The following ITGA9 variants were observed in gnomAD, a reference collection of about 807,000 sequenced individuals.
ITGA9 encodes integrin alpha-9.
A neutral mutation model predicts 127.8 loss-of-function variants in ITGA9; 56 were observed. The ratio of observed to expected loss-of-function variants is 0.44; its 90% CI spans 0.35 to 0.55. The LOEUF is 0.55. Among genes scored for constraint, ITGA9 ranks in the 20% least tolerant of loss-of-function variants. The pLI is 0.00. For synonymous variants in ITGA9, 508 were observed against 514.5 expected, an observed-to-expected ratio of 0.99 and a Z score of 0.17; for missense variants, 1,196 against 1,347.1, an observed-to-expected ratio of 0.89 and a Z score of 1.76.
chr3:37,679,927 A>ACAACTT, intron 17 of ITGA9, among the ~76,000 whole-genome samples: 1 of 151,512 alleles, frequency 6.6e-6, no homozygotes, highest in African/African-American at 2.4e-5. Flanking sequence ...ATGCATAACC[A>ACAACTT]CAACTTCGAT....
intron 18 of ITGA9, among the ~76,000 whole-genome samples, chr3:37,693,614 G>A (rs1276734113): frequency 1.3e-5 from 2 of 152,164 alleles, no homozygotes; most frequent in Non-Finnish European, 2.9e-5. Context: ...GAGCAGGAAG[G>A]ACTTAAACAT....
chr3:37,654,189 TCCAC>T (rs966360428), intron 17 of ITGA9, among the ~76,000 whole-genome samples: 2 of 94,062 alleles, frequency 2.1e-5, no homozygotes, highest in African/African-American at 9.0e-5. Flanking sequence ...CCCTCCTGCC[TCCAC>T]ACACACACAC....
chr3:37,745,190 C>T (rs1164655820), intron 22 of ITGA9, among the ~76,000 whole-genome samples: 2 of 152,178 alleles, frequency 1.3e-5, no homozygotes, highest in Non-Finnish European at 2.9e-5. Flanking sequence ...GGCAGTAAAA[C>T]ATTTGTGGGC....
chr3:37,489,460 G>C (rs1698644441), intron 4 of ITGA9, among the ~76,000 whole-genome samples: 1 of 152,206 alleles, frequency 6.6e-6, no homozygotes, highest in South Asian at 2.1e-4. Flanking sequence ...ATTCCCTAAA[G>C]ATCTTTTCCC....
At chr3:37,667,855 T>C (rs1700600315) in intron 17 of ITGA9, among the ~76,000 whole-genome samples, 1 of 152,178 alleles carries the variant, frequency 6.6e-6, no homozygotes, top group South Asian at 2.1e-4. Flanking sequence ...AGCCTGATAT[T>C]CTAGCAATTT....
chr3:37,745,036 T>C (rs1229600552), intron 22 of ITGA9, among the ~76,000 whole-genome samples: 1 of 152,216 alleles, frequency 6.6e-6, no homozygotes, highest in Admixed American at 6.5e-5. Context: ...TCTCTGCCTC[T>C]TGCGTCCTTC....
chr3:37,707,261 T>C (rs1038645521), intron 18 of ITGA9, among the ~76,000 whole-genome samples: 1 of 152,214 alleles, frequency 6.6e-6, no homozygotes, highest in Admixed American at 6.5e-5. Flanking sequence ...TTTGCAAATA[T>C]TTACTTAAGG....
chr3:37,737,179 G>A (rs1272411525), intron 20 of ITGA9, among the ~76,000 whole-genome samples, 196 bp downstream of exon 20: 1 of 152,152 alleles, frequency 6.6e-6, no homozygotes, highest in Admixed American at 6.5e-5. Context: ...TTGCATAGCC[G>A]CCACTGCAGA....
At chr3:37,595,290 A>G (rs547387829) in intron 15 of ITGA9, among the ~76,000 whole-genome samples, 39 of 152,094 alleles carry the variant, frequency 2.6e-4, no homozygotes, top group African/African-American at 9.2e-4. Flanking sequence ...GTCAGACAGT[A>G]CCCTTGGCAA....
At chr3:37,765,959 G>A (rs1696775670) in intron 23 of ITGA9, among the ~76,000 whole-genome samples, 1 of 152,208 alleles carries the variant, frequency 6.6e-6, no homozygotes, top group Admixed American at 6.5e-5. Context: ...GTAGGTGCCT[G>A]GTGTTTTCTG....
chr3:37,594,701 G>C (rs527563449), intron 15 of ITGA9, among the ~76,000 whole-genome samples: 2 of 152,282 alleles, frequency 1.3e-5, no homozygotes, highest in East Asian at 3.9e-4. Flanking sequence ...AGGACTAAAT[G>C]AGTAAACATT....
At chr3:37,609,400 A>G (rs1699997592) in intron 15 of ITGA9, among the ~76,000 whole-genome samples, 1 of 152,202 alleles carries the variant, frequency 6.6e-6, no homozygotes, top group South Asian at 2.1e-4. Context: ...TGAAAACCTC[A>G]TCACACTCTG....
chr3:37,614,200 A>G (rs938939179), intron 15 of ITGA9, among the ~76,000 whole-genome samples: 1 of 152,116 alleles, frequency 6.6e-6, no homozygotes, highest in Non-Finnish European at 1.5e-5. Flanking sequence ...CAGTTTTCCC[A>G]GCACCATTTA....
rs550274877 is a variant in ITGA9, at chr3:37,794,603, C to T, written c.2890-9220C>T. Among the ~76,000 whole-genome samples, 32 of 152,022 alleles carry T rather than the reference C, an allele frequency of 2.1e-4. No homozygotes were observed. The South Asian group carries it at 6.1e-3, about 29-fold the overall frequency. On this transcript the variant is annotated intron_variant, in intron 26 of 27. Coordinates refer to ENST00000264741, the MANE Select transcript of ITGA9 (RefSeq NM_002207.3). The stretch of plus-strand genomic sequence containing the variant: ...CGCTTGAGGTAAATGAGCTCCATCC[C>T]TCTCTCTCTCAAGAGCAATGTGAGG...
At chr3:37,535,679 A>G (rs1197888503) in intron 14 of ITGA9, among the ~76,000 whole-genome samples, 2 of 152,048 alleles carry the variant, frequency 1.3e-5, no homozygotes, top group Non-Finnish European at 2.9e-5. Flanking sequence ...TCTCTTCCCT[A>G]TCCTCCATCT....
intron 17 of ITGA9, among the ~76,000 whole-genome samples, chr3:37,672,310 C>T (rs997438273): frequency 6.6e-6 from 1 of 152,106 alleles, no homozygotes; most frequent in Admixed American, 6.5e-5. Context: ...GGGGGCGGGT[C>T]TTTCCTGTGT....
chr3:37,775,817 C>G (rs1696900468), intron 23 of ITGA9, among the ~76,000 whole-genome samples: 1 of 152,100 alleles, frequency 6.6e-6, no homozygotes, highest in African/African-American at 2.4e-5. Context: ...ACCCAGCATC[C>G]CATTACTGGG....
At chr3:37,753,839 C>T (rs1303885225) in intron 23 of ITGA9, 1 of 152,148 alleles carries the variant, frequency 6.6e-6, no homozygotes, top group Non-Finnish European at 1.5e-5. Context: ...TGTCAGCAAA[C>T]CACCCTTGGC....
At chr3:37,638,960 C>T (rs556872533) in intron 16 of ITGA9, among the ~76,000 whole-genome samples, 26 of 152,108 alleles carry the variant, frequency 1.7e-4, no homozygotes, top group Non-Finnish European at 3.2e-4. Flanking sequence ...TGGGAGAAGA[C>T]GGGTTCCAGG....
Sources: allele counts gnomAD v4.1 joint callset (sites outside exome capture counted in the v4.1 genomes callset), GRCh38; gene constraint gnomAD v4.1.1; transcripts MANE v1.5; gene names NCBI Gene and HGNC (gene_info 2026-07-23, HGNC 2026-07-21).